DYNC1I1: variants seen among roughly 807,000 people sequenced by gnomAD.
DYNC1I1 encodes dynein cytoplasmic 1 intermediate chain 1, also known as cytoplasmic dynein 1 intermediate chain 1.
DYNC1I1 carries 43 observed loss-of-function variants against 86.6 expected under a neutral mutation model. The observed-to-expected ratio is 0.50, with a 90% CI of 0.39 to 0.64. The LOEUF is 0.64. Among genes scored for constraint, DYNC1I1 ranks in the 30% least tolerant of loss-of-function variants. The probability of loss-of-function intolerance (pLI) is 0.00; values close to 1 mark genes in which losing one functional copy is unlikely to be tolerated. For synonymous variants in DYNC1I1, 262 were observed against 283.7 expected (o/e 0.92, Z 0.77); for missense variants, 604 against 788.8 (o/e 0.77, Z 2.81).
intron 6 of DYNC1I1, among the ~76,000 whole-genome samples, chr7:95,966,272 C>G (rs1230895568): frequency 6.6e-6 from 1 of 152,192 alleles, no homozygotes; most frequent in Non-Finnish European, 1.5e-5. Context: ...TACCTCCATT[C>G]TCTCTCAGAA....
chr7:95,787,038 C>A (rs954254274), intron 1 of DYNC1I1, among the ~76,000 whole-genome samples: 1 of 152,176 alleles, frequency 6.6e-6, no homozygotes, highest in East Asian at 1.9e-4. Flanking sequence ...CTGAATCTTA[C>A]TTTTGAGTGT....
intron 5 of DYNC1I1, among the ~76,000 whole-genome samples, chr7:95,832,912 T>G (rs963088967): frequency 6.6e-6 from 1 of 152,162 alleles, no homozygotes; most frequent in Non-Finnish European, 1.5e-5. Flanking sequence ...TCTCCCATTT[T>G]GTAGGTTGCC....
At chr7:95,826,714 A>T (rs544583031) in intron 4 of DYNC1I1, among the ~76,000 whole-genome samples, 21 of 152,302 alleles carry the variant, frequency 1.4e-4, no homozygotes, top group Non-Finnish European at 2.8e-4. Context: ...ATGAAGAGTG[A>T]TAAGGAAGTG....
intron 14 of DYNC1I1, among the ~76,000 whole-genome samples, chr7:96,063,653 C>G (rs1270701437): frequency 1.3e-5 from 2 of 152,124 alleles, no homozygotes; most frequent in Admixed American, 1.3e-4. Context: ...GATTACAGCC[C>G]GCCCATACAA....
At chr7:95,916,414 T>A (rs951777203) in intron 6 of DYNC1I1, among the ~76,000 whole-genome samples, 2 of 152,208 alleles carry the variant, frequency 1.3e-5, no homozygotes, top group Admixed American at 6.5e-5. Context: ...TATCACTCCA[T>A]GTTTATTTGA....
chr7:96,097,695 G>A lies in DYNC1I1; in HGVS notation c.*102G>A. The A allele has an allele frequency of 2.6e-6, 4 of 1,515,716 alleles. No individual in the cohort carries two copies. In the Admixed American group the frequency reaches 6.2e-5, roughly 23 times the overall value. The allele number at this position is 1,515,716 out of a possible 1,614,324, so 93.9% of individuals were successfully genotyped here. ...TCGGTGTCCATTCAGTATCAGTATT[G>A]CTGTGATATTTTGGGTGCCATATTG... On this transcript the variant is annotated 3_prime_UTR_variant, in exon 17 of 17. Coordinates refer to ENST00000447467, the MANE Select transcript of DYNC1I1 (RefSeq NM_001135556.2).
chr7:96,037,994 C>T (rs1239826852), intron 13 of DYNC1I1, among the ~76,000 whole-genome samples: 2 of 152,128 alleles, frequency 1.3e-5, no homozygotes, highest in African/African-American at 4.8e-5. Flanking sequence ...TCATTTTGCA[C>T]CCTATAAATC....
At chr7:95,924,082 A>G (rs182956984) in intron 6 of DYNC1I1, among the ~76,000 whole-genome samples, 1 of 152,208 alleles carries the variant, frequency 6.6e-6, no homozygotes, top group East Asian at 1.9e-4. Flanking sequence ...GATGTCATCG[A>G]CCTATTGGAA....
intron 6 of DYNC1I1, among the ~76,000 whole-genome samples, chr7:95,930,762 ACTAC>A (rs1791871062): frequency 1.3e-5 from 2 of 152,188 alleles, no homozygotes; most frequent in East Asian, 3.9e-4. Context: ...TAAAGTCCTC[ACTAC>A]CTTGCAATGT....
At chr7:95,999,798 C>G (rs1410070910) in intron 10 of DYNC1I1, among the ~76,000 whole-genome samples, 1 of 152,062 alleles carries the variant, frequency 6.6e-6, no homozygotes, top group Admixed American at 6.5e-5. Flanking sequence ...GTTTCCTGAT[C>G]CCATGCAAAG....
intron 6 of DYNC1I1, among the ~76,000 whole-genome samples, chr7:95,898,382 G>T (rs933487409): frequency 6.6e-6 from 1 of 152,126 alleles, no homozygotes; most frequent in Non-Finnish European, 1.5e-5. Context: ...TCTGTCCCTG[G>T]TTTAGATAAC....
rs1366520319 is a variant in DYNC1I1, at chr7:95,987,038, A to G, written c.744-18A>G. The G allele has an allele frequency of 1.2e-6, 2 of 1,608,728 alleles. No individual in the cohort carries two copies. The highest frequency in any genetic ancestry group is 4.5e-5 in the East Asian group (2 of 44,822). On this transcript the variant is annotated intron_variant, in intron 8 of 16. Transcript: ENST00000447467. ...AGAAAGAGCTCCATATTTATCTCTG[A>G]TGTTTAAATCCTCCTAGGGATGTTC...
At chr7:96,108,290 T>C (rs1438956090) in intron 16 of DYNC1I1, among the ~76,000 whole-genome samples, 3 of 152,166 alleles carry the variant, frequency 2.0e-5, no homozygotes, top group East Asian at 1.9e-4. Context: ...CATAATGGAT[T>C]GATTATCCCC....
chr7:95,907,924 A>G lies in DYNC1I1; in HGVS notation c.490+37926A>G, dbSNP rs1791219278. On this transcript the variant is annotated intron_variant, in intron 6 of 16. Transcript: ENST00000447467. ...AACAAAATATGAGTAGCAAGAAATA[A>G]ATAGAATGAAAACAATACTTGCAAA... Among the ~76,000 whole-genome samples the G allele has an allele frequency of 2.6e-5, 4 of 152,178 alleles. No individual in the cohort carries two copies. In the South Asian group the frequency reaches 8.3e-4, roughly 32 times the overall value.
At chr7:95,865,468 A>C (rs2029332) in intron 5 of DYNC1I1, among the ~76,000 whole-genome samples, 148,960 of 152,220 alleles carry the variant, frequency 0.98, 72,970 homozygotes, top group Middle Eastern at 1. Flanking sequence ...AGTGCCTGCT[A>C]TGTACCTGAC....
intron 10 of DYNC1I1, among the ~76,000 whole-genome samples, chr7:96,011,635 G>T (rs1794278101): frequency 2.6e-5 from 4 of 152,128 alleles, no homozygotes. Flanking sequence ...TTTTGTCATT[G>T]ATATGGTATC....
chr7:96,027,263 T>A (rs1794704531), intron 10 of DYNC1I1, among the ~76,000 whole-genome samples: 1 of 152,210 alleles, frequency 6.6e-6, no homozygotes, highest in African/African-American at 2.4e-5. Flanking sequence ...TTCATTTAAT[T>A]TAATTAAGGC....
chr7:96,004,646 G>GCACACACACACA (rs34562315), intron 10 of DYNC1I1, among the ~76,000 whole-genome samples: 12 of 146,142 alleles, frequency 8.2e-5, no homozygotes, highest in African/African-American at 1.3e-4. Context: ...ATAAATGCAT[G>GCACACACACACA]CACACACACA....
intron 1 of DYNC1I1, among the ~76,000 whole-genome samples, chr7:95,786,857 T>C (rs1012842095): frequency 1.3e-4 from 20 of 152,100 alleles, no homozygotes; most frequent in African/African-American, 4.6e-4. Context: ...TCTGATCTGC[T>C]AAAGGAGTTT....
Sources: gnomAD v4.1 joint callset for allele counts (sites outside exome capture counted in the v4.1 genomes callset) on GRCh38, gnomAD v4.1.1 for gene constraint, MANE v1.5 for transcripts, NCBI Gene and HGNC (gene_info 2026-07-23, HGNC 2026-07-21) for gene names.